The following BDP1 variants were observed in gnomAD, a reference collection of about 807,000 sequenced individuals.
The protein encoded by BDP1 is transcription factor TFIIIB component B'' homolog.
In BDP1, 169 loss-of-function variants were observed where a neutral mutation model predicts 266.6. The observed-to-expected ratio is 0.63, with a 90% CI of 0.56 to 0.72. BDP1 has a LOEUF of 0.72. Ranked by LOEUF, BDP1 falls within the 30% of genes least tolerant of loss-of-function variation. The pLI, the probability that BDP1 is intolerant of heterozygous loss-of-function variation, is 0.00. For missense variants in BDP1, 3,015 were observed against 3,053.8 expected, an observed-to-expected ratio of 0.99 and a Z score of 0.30; for synonymous variants, 1,090 against 1,022.4, an observed-to-expected ratio of 1.07 and a Z score of -1.26.
At chr5:71,501,467 C>T (rs1764225270) in intron 13 of BDP1, 95 bp from the exon 14 acceptor site, 13 of 807,532 alleles carry the variant, frequency 1.6e-5, no homozygotes, top group Non-Finnish European at 2.3e-5. Flanking sequence ...AGCCACCGTG[C>T]CCGGCCAGTT....
the BDP1 span, among the ~76,000 whole-genome samples, chr5:71,574,766 C>A: frequency 6.6e-6 from 1 of 152,166 alleles, no homozygotes; most frequent in Non-Finnish European, 1.5e-5. Flanking sequence ...TTATTCCCTG[C>A]AAATTACACC....
Position 71,455,868 on chromosome 5 carries a change from T to G in BDP1, c.-10T>G, listed in dbSNP as rs770095487. Reference sequence around the variant, plus strand: ...CGTGAGGCTGCCTCCCCGGGCCCCCTGCCTCCGCCATGTTCCGCAGGGCAC... The same window carrying G: ...CGTGAGGCTGCCTCCCCGGGCCCCCGGCCTCCGCCATGTTCCGCAGGGCAC... On this transcript the variant is annotated 5_prime_UTR_variant, in exon 1 of 39. Coordinates refer to ENST00000358731, the MANE Select transcript of BDP1 (RefSeq NM_018429.3). 9 of 1,562,386 alleles carry G rather than the reference T, an allele frequency of 5.8e-6. No individual in the cohort carries two copies. Among genetic ancestry groups the G allele is most frequent in the Non-Finnish European group, 7.8e-6 (9 of 1,153,568 alleles).
intron 26 of BDP1, among the ~76,000 whole-genome samples, chr5:71,536,109 G>A (rs1022332700): frequency 2.0e-5 from 3 of 151,902 alleles, no homozygotes; most frequent in African/African-American, 7.3e-5. Context: ...TGGGCATTTT[G>A]GTCTTATTCC....
intron 7 of BDP1, among the ~76,000 whole-genome samples, chr5:71,471,426 G>A (rs1052517131): frequency 6.6e-6 from 1 of 152,150 alleles, no homozygotes; most frequent in Non-Finnish European, 1.5e-5. Flanking sequence ...TTACAGGCGT[G>A]AGCCATCATG....
At chr5:71,457,552 G>A (rs537685025) in intron 1 of BDP1, among the ~76,000 whole-genome samples, 5 of 152,202 alleles carry the variant, frequency 3.3e-5, no homozygotes, top group African/African-American at 7.2e-5. Context: ...CTGACCTCAA[G>A]TGATCCACCT....
At chr5:71,492,399 A>C (rs1296441584) in intron 11 of BDP1, among the ~76,000 whole-genome samples, 2 of 152,072 alleles carry the variant, frequency 1.3e-5, no homozygotes, top group Non-Finnish European at 2.9e-5. Flanking sequence ...CTTCTTCAAT[A>C]CTTGTTATCT....
chr5:71,482,626 G>T (rs1763028614), intron 7 of BDP1, among the ~76,000 whole-genome samples: 1 of 152,090 alleles, frequency 6.6e-6, no homozygotes, highest in Non-Finnish European at 1.5e-5. Context: ...GTTTTAAATT[G>T]TTCTGAATTA....
chr5:71,496,303 T>A (rs1763889431), intron 12 of BDP1, among the ~76,000 whole-genome samples: 1 of 151,692 alleles, frequency 6.6e-6, no homozygotes, highest in Non-Finnish European at 1.5e-5. Context: ...TAAAGTACTG[T>A]CACAATGGAA....
rs759262375 is a variant in BDP1, at chr5:71,544,427, G to T, written c.6483G>T (p.Glu2161Asp). 10 of 1,614,076 alleles carry T rather than the reference G, an allele frequency of 6.2e-6. No individual in the cohort carries two copies. The highest frequency in any genetic ancestry group is 1.1e-5 in the South Asian group (1 of 91,068). The change falls in exon 31 of 39, where the codon GAG (glutamate) becomes GAT (aspartate). Residue 2161 changes from glutamate to aspartate, a missense_variant. Glu to Asp is a conservative substitution (Grantham distance 45). Coordinates refer to ENST00000358731, the MANE Select transcript of BDP1 (RefSeq NM_018429.3). ...NKNLGPVTTA[E>D]NKDQSKLACV... ...ACCTCGGACCAGTTACAACAGCAGA[G>T]AATAAGGATCAGAGCAAATTGGCAT...
intron 8 of BDP1, 71 bp from the exon 9 acceptor site, chr5:71,486,413 T>C (rs1446665353): frequency 3.0e-6 from 4 of 1,342,722 alleles, no homozygotes; most frequent in East Asian, 2.6e-5. Context: ...TTTGATGTTA[T>C]GATACTTTAA....
chr5:71,562,590 C>G, intron 38 of BDP1, 70 bp downstream of exon 38: 1 of 1,536,832 alleles, frequency 6.5e-7, no homozygotes, highest in Non-Finnish European at 8.8e-7. Context: ...CTAGGGAAAA[C>G]ATAGTAATTT....
intron 25 of BDP1, among the ~76,000 whole-genome samples, chr5:71,527,885 C>T (rs1249990214): frequency 6.7e-6 from 1 of 149,580 alleles, no homozygotes; most frequent in African/African-American, 2.5e-5. Context: ...GTGGCGCAAT[C>T]TTGGCTCACT....
chr5:71,470,592 T>C, intron 7 of BDP1, 103 bp downstream of exon 7: 1 of 776,526 alleles, frequency 1.3e-6, no homozygotes, highest in East Asian at 2.9e-5. Context: ...GTTCATCTTT[T>C]TTTTTTTTTT....
At chr5:71,505,818 G>A (rs1764546755) in intron 16 of BDP1, among the ~76,000 whole-genome samples, 1 of 152,142 alleles carries the variant, frequency 6.6e-6, no homozygotes, top group Non-Finnish European at 1.5e-5. Context: ...CTATGAATGG[G>A]CCACTTTACT....
chr5:71,512,946 C>T (rs865945063), intron 18 of BDP1, among the ~76,000 whole-genome samples: 1 of 151,124 alleles, frequency 6.6e-6, no homozygotes, highest in East Asian at 1.9e-4. Context: ...CCTGTAGTCC[C>T]AGCTACTTGG....
In BDP1 at chr5:71,529,121, G is replaced by A. The variant is rs1003343674; in HGVS notation, c.5773-3187G>A. On this transcript the variant is annotated intron_variant, in intron 25 of 38. Coordinates refer to ENST00000358731, the MANE Select transcript of BDP1 (RefSeq NM_018429.3). Reference sequence around the variant, plus strand: ...TTAAAAAGCATTGAGGCCAGGCACGGTGGCTCACACCTGTAATCCTAGCAC... The same window carrying A: ...TTAAAAAGCATTGAGGCCAGGCACGATGGCTCACACCTGTAATCCTAGCAC... 3.3e-5 allele frequency among the ~76,000 whole-genome samples: 5 copies of A among 152,188 alleles called. No individual in the cohort carries two copies. In the South Asian group the frequency reaches 1.0e-3, roughly 32 times the overall value.
chr5:71,561,337 G>T (rs1007736303), intron 37 of BDP1, among the ~76,000 whole-genome samples: 3 of 150,846 alleles, frequency 2.0e-5, no homozygotes, highest in Non-Finnish European at 4.4e-5. Flanking sequence ...GGAGGCGGAG[G>T]GTGCGGTGAG....
intron 26 of BDP1, among the ~76,000 whole-genome samples, chr5:71,533,421 A>G (rs1316843208): frequency 6.7e-6 from 1 of 148,602 alleles, no homozygotes; most frequent in Non-Finnish European, 1.5e-5. Context: ...CTGTTCTTCC[A>G]TGTCCTTGCC....
rs1391716001 is a variant in BDP1 at position 71,504,766 on chromosome 5, G to T, written c.2372+15G>T. 1 of 1,609,590 alleles carries T rather than the reference G, an allele frequency of 6.2e-7. No homozygotes were observed. The highest frequency in any genetic ancestry group is 8.5e-7 in the Non-Finnish European group (1 of 1,178,722). On this transcript the variant is annotated intron_variant, in intron 16 of 38. Coordinates refer to ENST00000358731, the MANE Select transcript of BDP1 (RefSeq NM_018429.3). ...GAATGTCTAAGGTAAGCATCATTTT[G>T]TTGATATATAATCTTTGGATTTTGT... is the stretch of plus-strand genomic sequence containing the variant.
Sources: allele counts gnomAD v4.1 joint callset (sites outside exome capture counted in the v4.1 genomes callset), GRCh38; gene constraint gnomAD v4.1.1; transcripts MANE v1.5; gene names NCBI Gene and HGNC (gene_info 2026-07-23, HGNC 2026-07-21).